The following UNC13C variants were observed in gnomAD, a reference collection of about 807,000 sequenced individuals.
The protein encoded by UNC13C is unc-13 homolog C.
In UNC13C, 174 loss-of-function variants were observed where a neutral mutation model predicts 245.4. The ratio of observed to expected loss-of-function variants is 0.71; its 90% CI spans 0.63 to 0.80. The LOEUF is 0.80. Among genes scored for constraint, UNC13C ranks in the 30% least tolerant of loss-of-function variants. UNC13C has a pLI of 0.00. For missense variants in UNC13C, 2,829 were observed against 2,602.9 expected, an observed-to-expected ratio of 1.09 and a Z score of -1.89; for synonymous variants, 992 against 895.1, an observed-to-expected ratio of 1.11 and a Z score of -1.93.
the UNC13C span, among the ~76,000 whole-genome samples, chr15:53,877,502 C>T: frequency 6.6e-6 from 1 of 151,984 alleles, no homozygotes; most frequent in Admixed American, 6.6e-5. Context: ...GGCTTTACTT[C>T]CTCAGGGACT....
intron 2 of UNC13C, among the ~76,000 whole-genome samples, chr15:54,083,316 A>C (rs1038103504): frequency 6.6e-6 from 1 of 152,028 alleles, no homozygotes; most frequent in East Asian, 1.9e-4. Context: ...GCCCTCTGGC[A>C]GCGACCACCA....
At chr15:54,050,036 C>T (rs1238218506) in intron 2 of UNC13C, 1 of 297,828 alleles carries the variant, frequency 3.4e-6, no homozygotes, top group South Asian at 3.1e-5. Flanking sequence ...GTGGCGTGAC[C>T]TCGGCTCACT....
At chr15:54,375,287 T>G (rs580558) in intron 17 of UNC13C, among the ~76,000 whole-genome samples, 32,899 of 152,120 alleles carry the variant, frequency 0.22, 3,662 homozygotes, top group Middle Eastern at 0.27. Flanking sequence ...TTGCAGAAAA[T>G]AAACTTGGAT....
intron 10 of UNC13C, among the ~76,000 whole-genome samples, chr15:54,281,904 T>A (rs1346497447): frequency 6.6e-6 from 1 of 152,250 alleles, no homozygotes; most frequent in African/African-American, 2.4e-5. Context: ...AATATACATA[T>A]GATACAATTT....
intron 32 of UNC13C, 50 bp downstream of exon 32, chr15:54,624,004 C>G (rs774550203): frequency 3.1e-6 from 5 of 1,603,986 alleles, no homozygotes; most frequent in Non-Finnish European, 4.3e-6. Context: ...AGTTACTGTA[C>G]AGCTGACCTT....
intron 2 of UNC13C, among the ~76,000 whole-genome samples, chr15:54,070,663 C>T (rs971970449): frequency 6.6e-6 from 1 of 152,084 alleles, no homozygotes; most frequent in Non-Finnish European, 1.5e-5. Flanking sequence ...CATGCATGTT[C>T]ATGTGACAAA....
At chr15:54,396,482 T>C (rs2040072140) in intron 18 of UNC13C, among the ~76,000 whole-genome samples, 1 of 151,718 alleles carries the variant, frequency 6.6e-6, no homozygotes, top group African/African-American at 2.4e-5. Flanking sequence ...TTTTGAGTAG[T>C]ATTCCATTGT....
At chr15:54,112,689 G>C (rs1294789738) in intron 2 of UNC13C, among the ~76,000 whole-genome samples, 1 of 152,176 alleles carries the variant, frequency 6.6e-6, no homozygotes, top group Non-Finnish European at 1.5e-5. Context: ...TGTTAGAAAA[G>C]AAATAATTTT....
chr15:54,246,417 T>G (rs568509732), intron 7 of UNC13C, among the ~76,000 whole-genome samples: 3,839 of 151,516 alleles, frequency 0.025, 160 homozygotes, highest in African/African-American at 0.089. Context: ...AATAATGTTT[T>G]TTTTTTTTTC....
At chr15:54,587,559 C>G (rs1285785191) in intron 30 of UNC13C, among the ~76,000 whole-genome samples, 2 of 152,166 alleles carry the variant, frequency 1.3e-5, no homozygotes, top group Non-Finnish European at 2.9e-5. Flanking sequence ...GAGTTTGGGA[C>G]CAGCCTTCAG....
intron 2 of UNC13C, among the ~76,000 whole-genome samples, chr15:54,102,324 T>C (rs758971657): frequency 6.6e-6 from 1 of 152,120 alleles, no homozygotes; most frequent in Non-Finnish European, 1.5e-5. Context: ...GTATTTTTAT[T>C]AAAATTCAGT....
the UNC13C span, among the ~76,000 whole-genome samples, chr15:53,903,544 T>A: frequency 6.6e-6 from 1 of 152,200 alleles, no homozygotes; most frequent in Non-Finnish European, 1.5e-5. Context: ...GCCAATTAGA[T>A]CATTTTGTCC....
At chr15:54,010,141 A>G (rs574830592) in intron 1 of UNC13C, among the ~76,000 whole-genome samples, 4 of 152,210 alleles carry the variant, frequency 2.6e-5, no homozygotes, top group South Asian at 4.2e-4. Context: ...TGGAACCTAT[A>G]TTGTTTATGT....
At chr15:54,235,233 A>T in intron 5 of UNC13C, 125 bp downstream of exon 5, 1 of 673,758 alleles carries the variant, frequency 1.5e-6, no homozygotes, top group East Asian at 2.9e-5. Context: ...ATATGAGGCC[A>T]GATGCTACCT....
At chr15:54,313,647 A>G (rs1190775049) in intron 13 of UNC13C, among the ~76,000 whole-genome samples, 1 of 151,850 alleles carries the variant, frequency 6.6e-6, no homozygotes, top group Non-Finnish European at 1.5e-5. Context: ...TAAAGCTATA[A>G]TACTTATTGG....
chr15:54,626,157 A>G (rs1596708946), intron 32 of UNC13C, among the ~76,000 whole-genome samples: 1 of 112,226 alleles, frequency 8.9e-6, no homozygotes, highest in East Asian at 3.0e-4. Flanking sequence ...TATCTACCAT[A>G]TCACCACTTG....
At chr15:54,114,865 C>T (rs1002907910) in intron 2 of UNC13C, among the ~76,000 whole-genome samples, 4 of 152,034 alleles carry the variant, frequency 2.6e-5, no homozygotes, top group East Asian at 3.8e-4. Context: ...AATTATTTTC[C>T]GTTCCAGTGG....
intron 10 of UNC13C, among the ~76,000 whole-genome samples, chr15:54,271,801 C>G (rs1282355929): frequency 6.6e-6 from 1 of 152,104 alleles, no homozygotes; most frequent in East Asian, 1.9e-4. Flanking sequence ...GCAAATGTGT[C>G]CTCATTTATA....
chr15:54,298,796 T>G (rs1387922678), intron 12 of UNC13C, among the ~76,000 whole-genome samples: 1 of 152,196 alleles, frequency 6.6e-6, no homozygotes, highest in Non-Finnish European at 1.5e-5. Flanking sequence ...TAGGTGAAGC[T>G]GAGGAATGTA....
Sources: allele counts gnomAD v4.1 joint callset (sites outside exome capture counted in the v4.1 genomes callset), GRCh38; gene constraint gnomAD v4.1.1; transcripts MANE v1.5; gene names NCBI Gene and HGNC (gene_info 2026-07-23, HGNC 2026-07-21).